Variants in KDM7A observed in about 807,000 individuals in gnomAD.
KDM7A encodes lysine demethylase 7A, also known as lysine-specific demethylase 7A.
In KDM7A, 28 loss-of-function variants were observed where a neutral mutation model predicts 114.8. The ratio of observed to expected loss-of-function variants is 0.24; its 90% CI spans 0.18 to 0.33. The LOEUF (loss-of-function observed/expected upper bound fraction) is 0.33, where lower values mean the gene tolerates loss of function less well. Among genes scored for constraint, KDM7A ranks in the 10% least tolerant of loss-of-function variants. KDM7A has a pLI of 1.00. For missense variants in KDM7A, 942 were observed against 1,142.5 expected, an observed-to-expected ratio of 0.82 and a Z score of 2.53; for synonymous variants, 423 against 397.8, an observed-to-expected ratio of 1.06 and a Z score of -0.75.
chr7:140,162,468 G>C (rs1285825604), intron 1 of KDM7A, among the ~76,000 whole-genome samples: 1 of 152,112 alleles, frequency 6.6e-6, no homozygotes, highest in East Asian at 1.9e-4. Flanking sequence ...AAAACATTGA[G>C]ACTGTTTTAT....
chr7:140,176,665 A>C lies in KDM7A; in HGVS notation c.194+79T>G. The C allele has an allele frequency of 1.0e-6, 1 of 976,402 alleles. No homozygotes were observed. 60.5% of individuals were successfully genotyped at this position (976,402 alleles called of 1,614,324 possible). Reference sequence around the variant, plus strand: ...GCGGCGCGGCGGCCCGGCCCGAGGGAGGCGCGGGCGGCCGGCGGCGGCGGC... The same window carrying C: ...GCGGCGCGGCGGCCCGGCCCGAGGGCGGCGCGGGCGGCCGGCGGCGGCGGC... On this transcript the variant is annotated intron_variant, in intron 1 of 19. Coordinates refer to ENST00000397560, the MANE Select transcript of KDM7A (RefSeq NM_030647.2). This position sits in a 1 kb window ranked among gnomAD's most constrained non-coding sequence, Gnocchi z 4.4.
chr7:140,118,684 T>G (rs978516250), intron 9 of KDM7A, among the ~76,000 whole-genome samples: 2 of 123,194 alleles, frequency 1.6e-5, no homozygotes, highest in African/African-American at 6.2e-5. Flanking sequence ...CCCAAAGTGC[T>G]AGGATTAGGG....
Position 140,111,026 on chromosome 7 carries a change from TG to T in KDM7A, c.1428+68del, listed in dbSNP as rs535104270. 3.0e-3 allele frequency: 2,538 copies of T among 843,102 alleles called. 11 individuals carry two copies. The highest frequency in any genetic ancestry group is 3.6e-3 in the Non-Finnish European group (1,833 of 506,106). 52.2% of individuals were successfully genotyped at this position (843,102 alleles called of 1,614,324 possible). A position where few individuals can be genotyped will look rare whatever the true frequency, so the allele number is the denominator to read the frequency against. ...AGAGTTTTTAAATATTTGTAGAGAGTGGAATAGATCCATTTGCTTCTCAAAG... is the reference window on the plus strand; with the variant it reads ...AGAGTTTTTAAATATTTGTAGAGAGTGAATAGATCCATTTGCTTCTCAAAG... On this transcript the variant is annotated intron_variant, in intron 11 of 19. Transcript: ENST00000397560.
Sources: gnomAD v4.1 joint callset for allele counts (sites outside exome capture counted in the v4.1 genomes callset) on GRCh38, gnomAD v4.1.1 for gene constraint, Gnocchi (gnomAD v3.1) non-coding constraint, MANE v1.5 for transcripts, NCBI Gene and HGNC (gene_info 2026-07-23, HGNC 2026-07-21) for gene names.